The following ABHD2 variants were observed in gnomAD, a reference collection of about 807,000 sequenced individuals.
ABHD2 encodes the protein abhydrolase domain containing 2, acylglycerol lipase.
Under a neutral mutation model 48.1 loss-of-function variants are expected in ABHD2, and 20 were observed. The ratio of observed to expected loss-of-function variants is 0.42; its 90% CI spans 0.29 to 0.60. The LOEUF is 0.60. Among genes scored for constraint, ABHD2 ranks in the 20% least tolerant of loss-of-function variants. The pLI is 0.24. For synonymous variants in ABHD2, 209 were observed against 214.2 expected, an observed-to-expected ratio of 0.98 and a Z score of 0.21; for missense variants, 405 against 550.9, an observed-to-expected ratio of 0.74 and a Z score of 2.65.
the ABHD2 span, among the ~76,000 whole-genome samples, chr15:89,073,367 C>T: frequency 6.6e-6 from 1 of 152,180 alleles, no homozygotes; most frequent in Non-Finnish European, 1.5e-5. Context: ...ACGATCTTGG[C>T]TCACTGCAAC....
intron 3 of ABHD2, among the ~76,000 whole-genome samples, chr15:89,126,820 C>A (rs774214444): frequency 6.6e-6 from 1 of 152,152 alleles, no homozygotes; most frequent in Non-Finnish European, 1.5e-5. Context: ...CAGTCTTCTT[C>A]AGCAGCATCA....
In ABHD2 at chr15:89,116,224, C is replaced by G; in HGVS notation, c.-6-98C>G. ...ACATCTGAATTGTGACACACCGTCACTGGCAGTATCTCTTAGCCCACCATG... is the reference window on the plus strand; with the variant it reads ...ACATCTGAATTGTGACACACCGTCAGTGGCAGTATCTCTTAGCCCACCATG... On this transcript the variant is annotated intron_variant, in intron 2 of 10. Coordinates refer to ENST00000352732, the MANE Select transcript of ABHD2 (RefSeq NM_152924.5). This position sits in a 1 kb window ranked among gnomAD's most constrained non-coding sequence, Gnocchi z 4.6. 1 of 1,130,742 alleles carries G rather than the reference C, an allele frequency of 8.8e-7. No homozygotes were observed. Among genetic ancestry groups the G allele is most frequent in the Non-Finnish European group, 1.3e-6 (1 of 785,318 alleles). 70.0% of individuals were successfully genotyped at this position (1,130,742 alleles called of 1,614,324 possible).
chr15:89,091,550 G>A lies in ABHD2; in HGVS notation c.-107+2987G>A, dbSNP rs1215821804. ...TTACGCCTTTTCCTGGTAATCTCCG[G>A]CAGGACCCATAACCTCTGTAGTGGT... On this transcript the variant is annotated intron_variant, in intron 1 of 10. Transcript: ENST00000352732. The surrounding 1 kb of genome is among the most constrained non-coding windows in gnomAD (Gnocchi z 5.5). 1.3e-5 allele frequency among the ~76,000 whole-genome samples: 2 copies of A among 152,052 alleles called. No homozygotes were observed. The highest frequency in any genetic ancestry group is 2.9e-5 in the Non-Finnish European group (2 of 68,002).
chr15:89,178,222 A>G (rs1045298592), intron 6 of ABHD2, among the ~76,000 whole-genome samples: 1 of 152,248 alleles, frequency 6.6e-6, no homozygotes, highest in Non-Finnish European at 1.5e-5. Flanking sequence ...ACCAGGTCAG[A>G]GAGACACTGT....
At chr15:89,061,154 C>T in the ABHD2 span, among the ~76,000 whole-genome samples, 6 of 152,030 alleles carry the variant, frequency 3.9e-5, no homozygotes, top group Admixed American at 1.3e-4. Context: ...TGGTGGCTCA[C>T]GCCTTGTAAT....
intron 3 of ABHD2, among the ~76,000 whole-genome samples, chr15:89,127,952 C>T (rs903033706): frequency 6.6e-6 from 1 of 151,984 alleles, no homozygotes; most frequent in Non-Finnish European, 1.5e-5. Flanking sequence ...CTCATTGGCT[C>T]TTACCTAAGG....
At position 89,114,268 on chromosome 15, in the gene ABHD2, C is replaced by G. The variant is rs750201678; in HGVS notation, c.-7+444C>G. Among the ~76,000 whole-genome samples the G allele has an allele frequency of 4.1e-4, 62 of 152,116 alleles. No individual in the cohort carries two copies. The highest frequency in any genetic ancestry group is 1.3e-4 in the Non-Finnish European group (9 of 68,026). On this transcript the variant is annotated intron_variant, in intron 2 of 10. Coordinates refer to ENST00000352732, the MANE Select transcript of ABHD2 (RefSeq NM_152924.5). The surrounding 1 kb of genome is among the most constrained non-coding windows in gnomAD (Gnocchi z 4.2). ...AGGCCACAGACCCTTTTTAGAGAAT[C>G]TGATTAAAGCTGCGAACCCTCTGCC...
intron 3 of ABHD2, among the ~76,000 whole-genome samples, chr15:89,127,940 G>C (rs1324659736): frequency 6.6e-6 from 1 of 151,736 alleles, no homozygotes; most frequent in African/African-American, 2.4e-5. Flanking sequence ...ACCTGTCTCT[G>C]TCTCATTGGC....
intron 4 of ABHD2, among the ~76,000 whole-genome samples, chr15:89,152,645 G>C (rs926642318): frequency 6.6e-6 from 1 of 152,090 alleles, no homozygotes; most frequent in Non-Finnish European, 1.5e-5. Context: ...GATAGCAGTA[G>C]ATTAAAAGGC....
At chr15:89,055,248 G>C in the ABHD2 span, among the ~76,000 whole-genome samples, 5 of 150,412 alleles carry the variant, frequency 3.3e-5, no homozygotes, top group Non-Finnish European at 5.9e-5. Context: ...TTTGTGTCCA[G>C]TTTTAAAGTG....
chr15:89,133,457 G>T (rs1309588380), intron 3 of ABHD2, among the ~76,000 whole-genome samples: 1 of 152,144 alleles, frequency 6.6e-6, no homozygotes, highest in Non-Finnish European at 1.5e-5. Context: ...GCTAGCTGTT[G>T]TCCTCAAGCC....
rs946183300 is a variant in ABHD2, at chr15:89,174,904, C to T, written c.539-908C>T. Among the ~76,000 whole-genome samples, 1 of 152,312 alleles carries T rather than the reference C, an allele frequency of 6.6e-6. No homozygotes were observed. The highest frequency in any genetic ancestry group is 3.4e-3 in the Middle Eastern group (1 of 294). On this transcript the variant is annotated intron_variant, in intron 5 of 10. Coordinates refer to ENST00000352732, the MANE Select transcript of ABHD2 (RefSeq NM_152924.5). This position sits in a 1 kb window ranked among gnomAD's most constrained non-coding sequence, Gnocchi z 4.1. ...GGGACACCAGCTGAGATCATCTCTC[C>T]TGGGCAAATGAGGCCCAAACAACCC...
the ABHD2 span, among the ~76,000 whole-genome samples, chr15:89,062,348 G>A: frequency 7.9e-5 from 12 of 151,478 alleles, no homozygotes; most frequent in Non-Finnish European, 1.3e-4. Flanking sequence ...ATTGATTTTC[G>A]TTTGTTTTTG....
intron 1 of ABHD2, among the ~76,000 whole-genome samples, chr15:89,090,812 AATGG>A (rs1159850674): frequency 6.6e-6 from 1 of 152,184 alleles, no homozygotes; most frequent in African/African-American, 2.4e-5. Context: ...CTTGATTCTA[AATGG>A]ATGAACATTT....
chr15:89,176,610 G>C lies in ABHD2; in HGVS notation c.722+615G>C, dbSNP rs902837209. Reference sequence around the variant, plus strand: ...CCAGGAGGGCGTGGTCATCTGCCCCGATTCCCCTGAAGATCACTGCTGTCC... The same window carrying C: ...CCAGGAGGGCGTGGTCATCTGCCCCCATTCCCCTGAAGATCACTGCTGTCC... On this transcript the variant is annotated intron_variant, in intron 6 of 10. Transcript: ENST00000352732. The surrounding 1 kb of genome is among the most constrained non-coding windows in gnomAD (Gnocchi z 4.5). 6.6e-6 allele frequency among the ~76,000 whole-genome samples: 1 copy of C among 152,044 alleles called. No individual in the cohort carries two copies. Among genetic ancestry groups the C allele is most frequent in the African/African-American group, 2.4e-5 (1 of 41,392 alleles).
the ABHD2 span, among the ~76,000 whole-genome samples, chr15:89,046,274 T>C: frequency 6.6e-6 from 1 of 152,242 alleles, no homozygotes; most frequent in African/African-American, 2.4e-5. Flanking sequence ...ATAAGCTTTT[T>C]GATGTGCTGC....
At chr15:89,045,735 T>C in the ABHD2 span, among the ~76,000 whole-genome samples, 17 of 152,266 alleles carry the variant, frequency 1.1e-4, no homozygotes, top group Non-Finnish European at 1.6e-4. Flanking sequence ...GTGATTTTTG[T>C]ACATTGATTT....
At position 89,092,552 on chromosome 15, in the gene ABHD2, C is replaced by G. The variant is rs963447242; in HGVS notation, c.-107+3989C>G. ...GATGAAAGAAAATTTTTTAAAGGCA[C>G]AAAAGGTTAACTAGTAAATACATCT... On this transcript the variant is annotated intron_variant, in intron 1 of 10. Coordinates refer to ENST00000352732, the MANE Select transcript of ABHD2 (RefSeq NM_152924.5). The surrounding 1 kb of genome is among the most constrained non-coding windows in gnomAD (Gnocchi z 4.4). Among the ~76,000 whole-genome samples the G allele has an allele frequency of 6.6e-6, 1 of 152,144 alleles. No individual in the cohort carries two copies. The highest frequency in any genetic ancestry group is 6.5e-5 in the Admixed American group (1 of 15,282).
intron 6 of ABHD2, among the ~76,000 whole-genome samples, chr15:89,183,852 G>C (rs1281301222): frequency 1.3e-5 from 2 of 152,144 alleles, no homozygotes; most frequent in Non-Finnish European, 2.9e-5. Context: ...AGAAAGCTGG[G>C]ATTGCCAGAG....
Sources: allele counts gnomAD v4.1 joint callset (sites outside exome capture counted in the v4.1 genomes callset), GRCh38; gene constraint gnomAD v4.1.1; non-coding constraint Gnocchi (gnomAD v3.1); transcripts MANE v1.5; gene names NCBI Gene and HGNC (gene_info 2026-07-23, HGNC 2026-07-21).